The following FLNB variants were observed in gnomAD, a reference collection of about 807,000 sequenced individuals.
The protein encoded by FLNB is filamin B, also known as filamin-B.
A neutral mutation model predicts 250.6 loss-of-function variants in FLNB; 111 were observed. That is an observed-to-expected ratio of 0.44 (90% CI 0.38 to 0.52). The LOEUF is 0.52. FLNB is among the 20% of genes least tolerant of loss of function. The probability of loss-of-function intolerance (pLI) is 0.00; values close to 1 mark genes in which losing one functional copy is unlikely to be tolerated. For missense variants in FLNB, 2,869 were observed against 3,447.8 expected, an observed-to-expected ratio of 0.83 and a Z score of 4.20; for synonymous variants, 1,302 against 1,372.1, an observed-to-expected ratio of 0.95 and a Z score of 1.13.
At chr3:58,162,079 C>T (rs1039173170) in intron 42 of FLNB, among the ~76,000 whole-genome samples, 2 of 152,178 alleles carry the variant, frequency 1.3e-5, no homozygotes, top group Non-Finnish European at 2.9e-5. Flanking sequence ...TCCCCTACAA[C>T]ACATTGGCTT....
chr3:58,078,104 A>T (rs867966542), intron 2 of FLNB, among the ~76,000 whole-genome samples: 36 of 152,248 alleles, frequency 2.4e-4, no homozygotes, highest in Middle Eastern at 3.2e-3. Flanking sequence ...GGAGGGCTGA[A>T]GGCCTCATTC....
intron 1 of FLNB, among the ~76,000 whole-genome samples, chr3:58,059,561 G>A (rs1017530987): frequency 6.6e-6 from 1 of 152,200 alleles, no homozygotes; most frequent in Non-Finnish European, 1.5e-5. Flanking sequence ...TGTGGACTGC[G>A]TCTCCAGCCA....
At chr3:58,097,786 TG>T in intron 6 of FLNB, 28 bp from the exon 7 acceptor site, 1 of 1,608,002 alleles carries the variant, frequency 6.2e-7, no homozygotes, top group South Asian at 1.1e-5. Flanking sequence ...GAAGTGATTA[TG>T]TATTTCTCAC....
chr3:58,165,794 G>A (rs2107327846), intron 43 of FLNB: 1 of 152,200 alleles, frequency 6.6e-6, no homozygotes, highest in African/African-American at 2.4e-5. Context: ...ATACCAGAAG[G>A]GCCTCCTTCC....
chr3:58,123,744 G>A, intron 21 of FLNB, 54 bp downstream of exon 21: 16 of 1,476,944 alleles, frequency 1.1e-5, no homozygotes, highest in Non-Finnish European at 1.5e-5. Flanking sequence ...TGGGACTTAA[G>A]GGCTACCTGA....
chr3:58,013,563 G>A (rs926777438), intron 1 of FLNB, among the ~76,000 whole-genome samples: 3 of 152,348 alleles, frequency 2.0e-5, no homozygotes, highest in East Asian at 1.9e-4. Flanking sequence ...GGTGGCTCAT[G>A]CCTGTAATCC....
rs185433387 is a variant in FLNB, at chr3:58,050,123, G to A, written c.293-26923G>A. ...TGGCTCACCGCAACCTCTGCCTCCC[G>A]GGTTCTAACAATTCTCCTGCCTCAG... is the stretch of plus-strand genomic sequence containing the variant. On this transcript the variant is annotated intron_variant, in intron 1 of 45. Transcript: ENST00000295956. Among the ~76,000 whole-genome samples the A allele has an allele frequency of 3.1e-4, 46 of 150,608 alleles. 1 individual carries two copies. Among genetic ancestry groups the A allele is most frequent in the African/African-American group, 1.1e-3 (43 of 40,946 alleles).
intron 32 of FLNB, among the ~76,000 whole-genome samples, chr3:58,144,482 C>T (rs1423972465): frequency 3.3e-5 from 5 of 152,182 alleles, no homozygotes; most frequent in Non-Finnish European, 7.3e-5. Context: ...GTGGACGAAC[C>T]ATTACATATT....
At chr3:58,098,004 G>A (rs1428003720) in intron 7 of FLNB, 27 bp downstream of exon 7, 2 of 1,612,656 alleles carry the variant, frequency 1.2e-6, no homozygotes, top group South Asian at 2.2e-5. Flanking sequence ...CCATGGATCT[G>A]ACCTTTGCGC....
In FLNB at chr3:58,171,756, G is replaced by C. The variant is rs1003059224; in HGVS notation, c.*994G>C. 1 of 152,348 alleles carries C rather than the reference G, an allele frequency of 6.6e-6. No homozygotes were observed. The highest frequency in any genetic ancestry group is 2.4e-5 in the African/African-American group (1 of 41,458). 9.4% of individuals were successfully genotyped at this position (152,348 alleles called of 1,614,324 possible). On this transcript the variant is annotated 3_prime_UTR_variant, in exon 46 of 46. Coordinates refer to ENST00000295956, the MANE Select transcript of FLNB (RefSeq NM_001457.4). This position sits in a 1 kb window ranked among gnomAD's most constrained non-coding sequence, Gnocchi z 5.5. ...TGGGTCACTTTTTCTGGAAAATAAT[G>C]ATCTGTACAGACAGGACAGAATGAA...
intron 1 of FLNB, among the ~76,000 whole-genome samples, chr3:58,056,029 T>G (rs890851271): frequency 6.6e-6 from 1 of 151,918 alleles, no homozygotes; most frequent in African/African-American, 2.4e-5. Flanking sequence ...TACACCTGTG[T>G]TTTATGGTCT....
At chr3:58,108,063 GAGA>G (rs764901878) in intron 12 of FLNB, among the ~76,000 whole-genome samples, 4 of 151,514 alleles carry the variant, frequency 2.6e-5, no homozygotes, top group Non-Finnish European at 4.4e-5. Flanking sequence ...ACACTGGAAG[GAGA>G]AGAATTGTCT....
At chr3:58,038,605 T>C (rs2097141546) in intron 1 of FLNB, among the ~76,000 whole-genome samples, 1 of 151,796 alleles carries the variant, frequency 6.6e-6, no homozygotes, top group Admixed American at 6.6e-5. Context: ...ATTTTTTTTT[T>C]TTTTTGAGAG....
intron 25 of FLNB, chr3:58,132,302 T>G (rs2097308800): frequency 4.4e-6 from 2 of 458,312 alleles, no homozygotes; most frequent in Non-Finnish European, 7.9e-6. Context: ...CACCCTCACC[T>G]GCCCTGCACC....
chr3:58,066,036 C>T (rs1183863509), intron 1 of FLNB, among the ~76,000 whole-genome samples: 1 of 152,008 alleles, frequency 6.6e-6, no homozygotes, highest in Non-Finnish European at 1.5e-5. Flanking sequence ...CATGCCCAGG[C>T]GTCCTTGGGG....
chr3:58,088,337 T>G (rs1414142805), intron 4 of FLNB, among the ~76,000 whole-genome samples: 1 of 152,142 alleles, frequency 6.6e-6, no homozygotes, highest in Non-Finnish European at 1.5e-5. Context: ...TGTGAGCCAC[T>G]GTGTCCAGCC....
In FLNB at chr3:58,148,917, G is replaced by A. The variant is rs370957146; in HGVS notation, c.6091+65G>A. Reference sequence around the variant, plus strand: ...AACCGACTTATTTTGCTGAGGCAGCGTCATCTTTTCATCCTACCAACTCCT... The same window carrying A: ...AACCGACTTATTTTGCTGAGGCAGCATCATCTTTTCATCCTACCAACTCCT... On this transcript the variant is annotated intron_variant, in intron 36 of 45. Transcript: ENST00000295956. 5.6e-5 allele frequency: 80 copies of A among 1,416,474 alleles called. 1 individual carries two copies. Among genetic ancestry groups the A allele is most frequent in the East Asian group, 4.1e-4 (18 of 44,056 alleles). The allele number at this position is 1,416,474 out of a possible 1,614,324, so 87.7% of individuals were successfully genotyped here. A position where few individuals can be genotyped will look rare whatever the true frequency, so the allele number is the denominator to read the frequency against.
intron 29 of FLNB, among the ~76,000 whole-genome samples, chr3:58,140,362 C>A (rs2107240825): frequency 6.6e-6 from 1 of 152,334 alleles, no homozygotes; most frequent in South Asian, 2.1e-4. Context: ...GAAAGATCTT[C>A]CTTCTGACTG....
chr3:58,126,987 G>A (rs543048031), intron 24 of FLNB, among the ~76,000 whole-genome samples: 30 of 152,292 alleles, frequency 2.0e-4, no homozygotes, highest in East Asian at 3.9e-4. Flanking sequence ...ACAGTTGTGC[G>A]TGTGTTGGAG....
Sources: allele counts gnomAD v4.1 joint callset (sites outside exome capture counted in the v4.1 genomes callset), GRCh38; gene constraint gnomAD v4.1.1; non-coding constraint Gnocchi (gnomAD v3.1); transcripts MANE v1.5; gene names NCBI Gene and HGNC (gene_info 2026-07-23, HGNC 2026-07-21).